Variants in PSME3IP1 observed in about 807,000 individuals in gnomAD.
The protein encoded by PSME3IP1 is proteasome activator subunit 3 interacting protein 1.
Under a neutral mutation model 34.1 loss-of-function variants are expected in PSME3IP1, and 13 were observed. The observed-to-expected ratio is 0.38, with a 90% CI of 0.25 to 0.61. The LOEUF is 0.61. Ranked by LOEUF, PSME3IP1 falls within the 20% of genes least tolerant of loss-of-function variation. The pLI is 0.60. For missense variants in PSME3IP1, 237 were observed against 301.4 expected (o/e 0.79, Z 1.58); for synonymous variants, 93 against 114.3 (o/e 0.81, Z 1.19).
At chr16:57,163,731 C>T (rs1160351831) in intron 6 of PSME3IP1, among the ~76,000 whole-genome samples, 1 of 152,188 alleles carries the variant, frequency 6.6e-6, no homozygotes, top group Admixed American at 6.5e-5. Flanking sequence ...TGACCAGGGC[C>T]TGGTAAGCAC....
At chr16:57,161,919 T>C (rs1480183678) in intron 6 of PSME3IP1, among the ~76,000 whole-genome samples, 1 of 152,210 alleles carries the variant, frequency 6.6e-6, no homozygotes, top group African/African-American at 2.4e-5. Flanking sequence ...TATTATTATT[T>C]TTGAGACAGA....
rs370128400 is a variant in PSME3IP1 at position 57,154,555 on chromosome 16, T to C, written c.548-48A>G. The C allele has an allele frequency of 5.4e-6, 8 of 1,490,624 alleles. No homozygotes were observed. The African/African-American group carries it at 8.3e-5, about 16-fold the overall frequency. The allele number at this position is 1,490,624 out of a possible 1,614,324, so 92.3% of individuals were successfully genotyped here. A position where few individuals can be genotyped will look rare whatever the true frequency, so the allele number is the denominator to read the frequency against. ...GTCACTTCATCACCCTTTTCCAAAG[T>C]TGGGGACTGACTTACCATGTGCCAG... On this transcript the variant is annotated intron_variant, in intron 6 of 6. Transcript: ENST00000309137. The surrounding 1 kb of genome is among the most constrained non-coding windows in gnomAD (Gnocchi z 4.0).
Position 57,154,654 on chromosome 16 carries a change from G to A in PSME3IP1, c.548-147C>T, listed in dbSNP as rs1182594609. 9.5e-6 allele frequency: 6 copies of A among 634,272 alleles called. No individual in the cohort carries two copies. Among genetic ancestry groups the A allele is most frequent in the South Asian group, 2.5e-5 (1 of 39,858 alleles). The allele number at this position is 634,272 out of a possible 1,614,324, so 39.3% of individuals were successfully genotyped here. Reference sequence around the variant, plus strand: ...TGCAGCCAATACTATCATCACCCTCGTTTTAGAGATGGGGAAACTGAAGGA... The same window carrying A: ...TGCAGCCAATACTATCATCACCCTCATTTTAGAGATGGGGAAACTGAAGGA... On this transcript the variant is annotated intron_variant, in intron 6 of 6. Transcript: ENST00000309137. The surrounding 1 kb of genome is among the most constrained non-coding windows in gnomAD (Gnocchi z 4.0).
At chr16:57,185,722 G>C in intron 1 of PSME3IP1, 99 bp downstream of exon 1, 1 of 985,560 alleles carries the variant, frequency 1.0e-6, no homozygotes, top group African/African-American at 1.7e-5. Flanking sequence ...ACTGAGAACA[G>C]GCCTGGCCCT....
intron 1 of PSME3IP1, among the ~76,000 whole-genome samples, chr16:57,183,685 C>T (rs2073921271): frequency 6.6e-6 from 1 of 152,162 alleles, no homozygotes; most frequent in East Asian, 1.9e-4. Context: ...AGAATTTGGA[C>T]ACAATCTAGA....
intron 1 of PSME3IP1, among the ~76,000 whole-genome samples, chr16:57,183,817 C>A (rs2073931963): frequency 6.6e-6 from 1 of 152,136 alleles, no homozygotes; most frequent in Non-Finnish European, 1.5e-5. Flanking sequence ...AAGCCAGGAG[C>A]CCATCCAGGG....
At chr16:57,169,735 C>T (rs1263475907) in intron 4 of PSME3IP1, among the ~76,000 whole-genome samples, 13 of 152,134 alleles carry the variant, frequency 8.5e-5, no homozygotes, top group Non-Finnish European at 1.3e-4. Flanking sequence ...GCTAGTCTAC[C>T]AAAATAAAAC....
chr16:57,183,517 G>C (rs2073910131), intron 1 of PSME3IP1, among the ~76,000 whole-genome samples: 1 of 152,020 alleles, frequency 6.6e-6, no homozygotes, highest in African/African-American at 2.4e-5. Flanking sequence ...ATTTTTAGTA[G>C]AGACAGGGTT....
At chr16:57,170,731 T>G (rs2072470579) in intron 4 of PSME3IP1, among the ~76,000 whole-genome samples, 1 of 152,182 alleles carries the variant, frequency 6.6e-6, no homozygotes, top group Non-Finnish European at 1.5e-5. Flanking sequence ...AACAAACCAG[T>G]AGGCAAATAA....
At position 57,164,682 on chromosome 16, in the gene PSME3IP1, T is replaced by C. The variant is rs2071642495; in HGVS notation, c.483-617A>G. Reference sequence around the variant, plus strand: ...CTCTAAGACTGGGGACATTACTGTGTGTATGTACTAGTTGGTATTTTCTTG... The same window carrying C: ...CTCTAAGACTGGGGACATTACTGTGCGTATGTACTAGTTGGTATTTTCTTG... On this transcript the variant is annotated intron_variant, in intron 5 of 6. Transcript: ENST00000309137. 3.3e-5 allele frequency among the ~76,000 whole-genome samples: 5 copies of C among 152,196 alleles called. No homozygotes were observed. In the South Asian group the frequency reaches 1.0e-3, roughly 31 times the overall value.
At chr16:57,172,918 T>A in intron 2 of PSME3IP1, 44 bp from the exon 3 acceptor site, 1 of 1,174,938 alleles carries the variant, frequency 8.5e-7, no homozygotes, top group Non-Finnish European at 1.3e-6. Flanking sequence ...GGGGAGGAGA[T>A]ATACACTTCA....
intron 1 of PSME3IP1, chr16:57,178,768 C>T: frequency 2.0e-6 from 2 of 985,392 alleles, no homozygotes; most frequent in Non-Finnish European, 2.4e-6. Flanking sequence ...TTAATTTCAA[C>T]TGATTAAAAA....
rs1421466806 is a variant in PSME3IP1, at chr16:57,170,686, G to A, written c.348+1565C>T. Among the ~76,000 whole-genome samples the A allele has an allele frequency of 4.1e-4, 62 of 152,174 alleles. 2 individuals are homozygous for A. Among genetic ancestry groups the A allele is most frequent in the Non-Finnish European group, 7.4e-5 (5 of 68,024 alleles). Reference sequence around the variant, plus strand: ...GTCAGATAGTCTTTTTTCTTATGGAGCTCATTTACTTTACATTCTAGCAGG... The same window carrying A: ...GTCAGATAGTCTTTTTTCTTATGGAACTCATTTACTTTACATTCTAGCAGG... On this transcript the variant is annotated intron_variant, in intron 4 of 6. Coordinates refer to ENST00000309137, the MANE Select transcript of PSME3IP1 (RefSeq NM_024946.4).
At chr16:57,156,639 C>T (rs1421302266) in intron 6 of PSME3IP1, among the ~76,000 whole-genome samples, 1 of 152,086 alleles carries the variant, frequency 6.6e-6, no homozygotes, top group Non-Finnish European at 1.5e-5. Flanking sequence ...AAAAAAAAGG[C>T]AGGAGCAAAT....
intron 4 of PSME3IP1, among the ~76,000 whole-genome samples, chr16:57,168,306 G>C (rs559698096): frequency 7.9e-5 from 12 of 152,254 alleles, no homozygotes; most frequent in African/African-American, 2.9e-4. Context: ...AAAATCCTAA[G>C]ATTTTCCAGA....
At chr16:57,158,074 G>A (rs985397853) in intron 6 of PSME3IP1, among the ~76,000 whole-genome samples, 5 of 152,174 alleles carry the variant, frequency 3.3e-5, no homozygotes, top group African/African-American at 1.2e-4. Context: ...GCATTCACAA[G>A]GGTCAGAAAT....
In PSME3IP1 at chr16:57,153,710, G is replaced by C. The variant is rs551343482; in HGVS notation, c.*580C>G. The C allele has an allele frequency of 6.5e-6, 1 of 152,676 alleles. No individual in the cohort carries two copies. The highest frequency in any genetic ancestry group is 6.5e-5 in the Admixed American group (1 of 15,342). 9.5% of individuals were successfully genotyped at this position (152,676 alleles called of 1,614,324 possible). A position where few individuals can be genotyped will look rare whatever the true frequency, so the allele number is the denominator to read the frequency against. ...ATGGAAAGCTTTCACAATGCATGCC[G>C]AGTGTGAAGTGACACCCCCAGCAGA... is the stretch of plus-strand genomic sequence containing the variant. On this transcript the variant is annotated 3_prime_UTR_variant, in exon 7 of 7. Transcript: ENST00000309137.
At chr16:57,167,507 TG>T (rs2072032440) in intron 4 of PSME3IP1, among the ~76,000 whole-genome samples, 1 of 152,104 alleles carries the variant, frequency 6.6e-6, no homozygotes, top group East Asian at 1.9e-4. Context: ...ACCAAGGACA[TG>T]GCCAATATCA....
At chr16:57,170,996 C>G (rs2072508450) in intron 4 of PSME3IP1, among the ~76,000 whole-genome samples, 1 of 152,056 alleles carries the variant, frequency 6.6e-6, no homozygotes. Context: ...TCGCTTGAAC[C>G]CGGGAGGCGG....
Sources: gnomAD v4.1 joint callset for allele counts (sites outside exome capture counted in the v4.1 genomes callset) on GRCh38, gnomAD v4.1.1 for gene constraint, Gnocchi (gnomAD v3.1) non-coding constraint, MANE v1.5 for transcripts, NCBI Gene and HGNC (gene_info 2026-07-23, HGNC 2026-07-21) for gene names.